The following SLC39A9 variants were observed in gnomAD, a reference collection of about 807,000 sequenced individuals.
SLC39A9 encodes the protein zinc transporter ZIP9.
SLC39A9 carries 14 observed loss-of-function variants against 28.4 expected under a neutral mutation model. The observed-to-expected ratio is 0.49, with a 90% CI of 0.33 to 0.77. SLC39A9 has a LOEUF of 0.77. SLC39A9 is among the 30% of genes least tolerant of loss of function. The pLI, the probability that SLC39A9 is intolerant of heterozygous loss-of-function variation, is 0.02. For synonymous variants in SLC39A9, 119 were observed against 149.6 expected (o/e 0.80, Z 1.49); for missense variants, 283 against 381.1 (o/e 0.74, Z 2.14).
Position 69,446,941 on chromosome 14 carries a change from T to TAG in SLC39A9, c.403+4676_403+4677insGA, listed in dbSNP as rs199517628. 8.3e-3 allele frequency among the ~76,000 whole-genome samples: 1,106 copies of TAG among 132,906 alleles called. 13 individuals are homozygous for TAG. Among genetic ancestry groups the TAG allele is most frequent in the South Asian group, 0.025 (105 of 4,120 alleles). The allele number at this position is 132,906 out of a possible 152,430, so 87.2% of individuals were successfully genotyped here. A position where few individuals can be genotyped will look rare whatever the true frequency, so the allele number is the denominator to read the frequency against. ...TGAGCCCATCTGTGATATATATATA[T>TAG]ATATATAGAGAGAGAGAGAGAGAGA... On this transcript the variant is annotated intron_variant, in intron 3 of 6. Coordinates refer to ENST00000336643, the MANE Select transcript of SLC39A9 (RefSeq NM_018375.5).
rs35299160 is a variant in SLC39A9, at chr14:69,427,007, A to AT, written c.205+2824dup. Among the ~76,000 whole-genome samples the AT allele has an allele frequency of 2.8e-3, 375 of 135,928 alleles. 1 individual carries two copies. The highest frequency in any genetic ancestry group is 5.5e-3 in the East Asian group (26 of 4,744). 89.2% of individuals were successfully genotyped at this position (135,928 alleles called of 152,430 possible). On this transcript the variant is annotated intron_variant, in intron 2 of 6. Coordinates refer to ENST00000336643, the MANE Select transcript of SLC39A9 (RefSeq NM_018375.5). The stretch of plus-strand genomic sequence containing the variant: ...TTTTCCTGATTTTTGACCCAAAATA[A>AT]TTTTTTTTTTTTTTTTTTTCAGACA...
chr14:69,424,136 T>C lies in SLC39A9; in HGVS notation c.139T>C (p.Cys47Arg). ...LVTVLGAGLL[C>R]GTALAVIVPE... ...GACTGTTTTGGGTGCTGGCCTTCTCTGTGGAACTGCTCTGGCAGTCATCGT... is the reference window on the plus strand; with the variant it reads ...GACTGTTTTGGGTGCTGGCCTTCTCCGTGGAACTGCTCTGGCAGTCATCGT... The change falls in exon 2 of 7, where the codon TGT (cysteine) becomes CGT (arginine). Residue 47 changes from cysteine (C) to arginine (R), a missense_variant. Cys to Arg is a radical substitution (Grantham distance 180). Coordinates refer to ENST00000336643, the MANE Select transcript of SLC39A9 (RefSeq NM_018375.5). 6.2e-7 allele frequency: 1 copy of C among 1,613,978 alleles called. No individual in the cohort carries two copies. Among genetic ancestry groups the C allele is most frequent in the Non-Finnish European group, 8.5e-7 (1 of 1,179,864 alleles).
chr14:69,453,840 C>G (rs1282209950), intron 4 of SLC39A9, among the ~76,000 whole-genome samples: 3 of 152,198 alleles, frequency 2.0e-5, no homozygotes, highest in African/African-American at 7.2e-5. Flanking sequence ...TTTTGTGCAA[C>G]AGTGGCAGAA....
At position 69,454,808 on chromosome 14, in the gene SLC39A9, A is replaced by G; in HGVS notation, c.473-4A>G. 6.2e-7 allele frequency: 1 copy of G among 1,612,764 alleles called. No homozygotes were observed. The highest frequency in any genetic ancestry group is 8.5e-7 in the Non-Finnish European group (1 of 1,178,862). ...ATTTTATGTTTCCTTGTTTCCAAAT[A>G]TAGCTGATGGTGTTGCTTTGGGAGC... On this transcript the variant is annotated splice_polypyrimidine_tract_variant and splice_region_variant and intron_variant, in intron 4 of 6. Coordinates refer to ENST00000336643, the MANE Select transcript of SLC39A9 (RefSeq NM_018375.5).
chr14:69,460,231 A>G lies in SLC39A9; in HGVS notation c.*1638A>G. 1.0e-6 allele frequency: 1 copy of G among 985,700 alleles called. No homozygotes were observed. Among genetic ancestry groups the G allele is most frequent in the Non-Finnish European group, 1.2e-6 (1 of 829,736 alleles). 61.1% of individuals were successfully genotyped at this position (985,700 alleles called of 1,614,324 possible). A position where few individuals can be genotyped will look rare whatever the true frequency, so the allele number is the denominator to read the frequency against. Reference sequence around the variant, plus strand: ...AAACGTTTTCTATGACGCATAAGCTAGCATGCCTATGATTTATTTCCTTCA... The same window carrying G: ...AAACGTTTTCTATGACGCATAAGCTGGCATGCCTATGATTTATTTCCTTCA... On this transcript the variant is annotated 3_prime_UTR_variant, in exon 7 of 7. Coordinates refer to ENST00000336643, the MANE Select transcript of SLC39A9 (RefSeq NM_018375.5).
intron 1 of SLC39A9, among the ~76,000 whole-genome samples, chr14:69,411,230 A>C (rs1594904634): frequency 2.0e-5 from 3 of 152,152 alleles, no homozygotes; most frequent in East Asian, 1.9e-4. Context: ...AAAAAAAAAA[A>C]AACTTTAAAA....
intron 3 of SLC39A9, among the ~76,000 whole-genome samples, chr14:69,452,204 T>C (rs1169185809): frequency 6.6e-6 from 1 of 152,164 alleles, no homozygotes; most frequent in Non-Finnish European, 1.5e-5. Context: ...AGACTGGACA[T>C]TGAGAAATAA....
chr14:69,433,473 T>C (rs979231813), intron 2 of SLC39A9, among the ~76,000 whole-genome samples: 5 of 152,220 alleles, frequency 3.3e-5, no homozygotes, highest in African/African-American at 1.2e-4. Flanking sequence ...TTCCCTTCTC[T>C]TTTATATCCT....
rs550655729 is a variant in SLC39A9 at position 69,450,903 on chromosome 14, G to A, written c.404-2338G>A. Reference sequence around the variant, plus strand: ...GAAGTCATTATTTTTGCTGGCTTTCGTGTCTGATGACCTGGTTTTACCTAT... The same window carrying A: ...GAAGTCATTATTTTTGCTGGCTTTCATGTCTGATGACCTGGTTTTACCTAT... On this transcript the variant is annotated intron_variant, in intron 3 of 6. Coordinates refer to ENST00000336643, the MANE Select transcript of SLC39A9 (RefSeq NM_018375.5). Among the ~76,000 whole-genome samples the A allele has an allele frequency of 3.3e-5, 5 of 152,152 alleles. No individual in the cohort carries two copies. The East Asian group carries it at 5.8e-4, about 18-fold the overall frequency.
At chr14:69,423,997 C>A in intron 1 of SLC39A9, 97 bp from the exon 2 acceptor site, 3 of 777,996 alleles carry the variant, frequency 3.9e-6, no homozygotes, top group South Asian at 1.6e-5. Context: ...GTTGGTCTCA[C>A]AAATGAGCAG....
At chr14:69,424,485 C>G (rs186260118) in intron 2 of SLC39A9, among the ~76,000 whole-genome samples, 11 of 152,204 alleles carry the variant, frequency 7.2e-5, no homozygotes, top group Admixed American at 2.0e-4. Context: ...TACTCAAACA[C>G]TTCCCAAATC....
At chr14:69,443,220 T>C (rs1214816418) in intron 3 of SLC39A9, among the ~76,000 whole-genome samples, 1 of 152,242 alleles carries the variant, frequency 6.6e-6, no homozygotes, top group Non-Finnish European at 1.5e-5. Flanking sequence ...GTAGACATAT[T>C]TTTTCAGATA....
chr14:69,440,932 C>T (rs1391923901), intron 2 of SLC39A9, among the ~76,000 whole-genome samples: 1 of 152,080 alleles, frequency 6.6e-6, no homozygotes, highest in Non-Finnish European at 1.5e-5. Flanking sequence ...CAAAGTACTA[C>T]GATTACAGGC....
intron 1 of SLC39A9, among the ~76,000 whole-genome samples, chr14:69,410,332 ATTC>A (rs1166216295): frequency 2.6e-5 from 4 of 152,196 alleles, no homozygotes; most frequent in African/African-American, 9.6e-5. Context: ...AACTTTCATT[ATTC>A]TTGCAGTGGA....
Position 69,449,815 on chromosome 14 carries a change from G to A in SLC39A9, c.404-3426G>A, listed in dbSNP as rs1218038188. 3.3e-5 allele frequency among the ~76,000 whole-genome samples: 5 copies of A among 152,232 alleles called. No individual in the cohort carries two copies. In the South Asian group the frequency reaches 8.3e-4, roughly 25 times the overall value. Reference sequence around the variant, plus strand: ...GTTCTCTGATCCTGGGAAGGGGCAAGTGGCTCTAGTTTCCCTCTGACATCC... The same window carrying A: ...GTTCTCTGATCCTGGGAAGGGGCAAATGGCTCTAGTTTCCCTCTGACATCC... On this transcript the variant is annotated intron_variant, in intron 3 of 6. Transcript: ENST00000336643.
rs187154576 is a variant in SLC39A9, at chr14:69,430,496, A to G, written c.205+6294A>G. On this transcript the variant is annotated intron_variant, in intron 2 of 6. Transcript: ENST00000336643. ...CAATTAACTGTGTTTGTGTTGGTCT[A>G]TTTCTGGATTCTCTGTTCTGTTTTA... is the stretch of plus-strand genomic sequence containing the variant. Among the ~76,000 whole-genome samples the G allele has an allele frequency of 1.3e-3, 191 of 151,902 alleles. 2 individuals carry two copies. The highest frequency in any genetic ancestry group is 4.2e-3 in the African/African-American group (173 of 41,418).
intron 3 of SLC39A9, among the ~76,000 whole-genome samples, chr14:69,450,056 C>T (rs531250497): frequency 2.0e-5 from 3 of 152,130 alleles, no homozygotes; most frequent in Non-Finnish European, 4.4e-5. Flanking sequence ...GGCGCAGTGG[C>T]GGGCACCTGT....
At chr14:69,413,391 C>T (rs1402048338) in intron 1 of SLC39A9, among the ~76,000 whole-genome samples, 1 of 151,882 alleles carries the variant, frequency 6.6e-6, no homozygotes, top group African/African-American at 2.4e-5. Flanking sequence ...AGAATCGATA[C>T]AGGATTACCT....
chr14:69,415,860 T>C (rs1031101781), intron 1 of SLC39A9, among the ~76,000 whole-genome samples: 4 of 152,142 alleles, frequency 2.6e-5, no homozygotes, highest in Admixed American at 2.0e-4. Context: ...AGCCCCTCAG[T>C]CAGAAGTTCA....
Sources: gnomAD v4.1 joint callset for allele counts (sites outside exome capture counted in the v4.1 genomes callset) on GRCh38, gnomAD v4.1.1 for gene constraint, MANE v1.5 for transcripts, NCBI Gene and HGNC (gene_info 2026-07-23, HGNC 2026-07-21) for gene names.